RGS6: variants seen among roughly 807,000 people sequenced by gnomAD.
RGS6 encodes regulator of G-protein signaling 6.
Under a neutral mutation model 78.5 loss-of-function variants are expected in RGS6, and 30 were observed. That is an observed-to-expected ratio of 0.38 (90% CI 0.29 to 0.52). RGS6 has a LOEUF of 0.52. Ranked by LOEUF, RGS6 falls within the 20% of genes least tolerant of loss-of-function variation. RGS6 has a pLI of 0.85. For synonymous variants in RGS6, 206 were observed against 206.0 expected (o/e 1.00, Z 0.00); for missense variants, 495 against 609.7 (o/e 0.81, Z 1.98).
chr14:72,474,773 A>G, intron 10 of RGS6, 74 bp downstream of exon 10: 1 of 1,182,362 alleles, frequency 8.5e-7, no homozygotes, highest in Non-Finnish European at 1.2e-6. Flanking sequence ...TCAAATAGTA[A>G]TTTGCTACTT....
In RGS6 at chr14:72,125,134, C is replaced by T. The variant is rs929368500; in HGVS notation, c.84+160259C>T. Among the ~76,000 whole-genome samples, 9 of 152,250 alleles carry T rather than the reference C, an allele frequency of 5.9e-5. No individual in the cohort carries two copies. In the South Asian group the frequency reaches 6.2e-4, roughly 11 times the overall value. The stretch of plus-strand genomic sequence containing the variant: ...TTCTTTCCAGGGGTCCTGAGGGGGA[C>T]GTCTTTGTTGGCACCCCAAGCCTGA... On this transcript the variant is annotated intron_variant, in intron 2 of 17. Transcript: ENST00000553525.
the RGS6 span, among the ~76,000 whole-genome samples, chr14:72,608,899 CCTCT>C: frequency 9.1e-4 from 138 of 152,260 alleles, no homozygotes; most frequent in Admixed American, 2.5e-3. Flanking sequence ...TCTCTCTCTC[CCTCT>C]CTCTCTTTCT....
In RGS6 at chr14:72,373,245, G is replaced by T. The variant is rs76391475; in HGVS notation, c.184+21051G>T. On this transcript the variant is annotated intron_variant, in intron 3 of 17. Transcript: ENST00000553525. ...CTGCTCAAGATGTCATAAGGGAAAA[G>T]TAAAATTATTTCCCATTGGTACCTC... is the stretch of plus-strand genomic sequence containing the variant. Among the ~76,000 whole-genome samples the T allele has an allele frequency of 7.8e-3, 1,182 of 152,304 alleles. 10 individuals carry two copies. The highest frequency in any genetic ancestry group is 0.025 in the African/African-American group (1,046 of 41,560).
At chr14:72,356,680 C>G (rs1052095427) in intron 3 of RGS6, among the ~76,000 whole-genome samples, 1 of 152,170 alleles carries the variant, frequency 6.6e-6, no homozygotes, top group Non-Finnish European at 1.5e-5. Flanking sequence ...GGGGCAGTTA[C>G]CTCTATGCTG....
chr14:72,484,926 G>C (rs2096459975), intron 12 of RGS6, among the ~76,000 whole-genome samples: 1 of 133,808 alleles, frequency 7.5e-6, no homozygotes, highest in Non-Finnish European at 1.5e-5. Context: ...GTAGCCATCT[G>C]GTAGATTTTT....
At chr14:72,044,270 C>T (rs2092663514) in intron 2 of RGS6, among the ~76,000 whole-genome samples, 1 of 152,204 alleles carries the variant, frequency 6.6e-6, no homozygotes, top group East Asian at 1.9e-4. Flanking sequence ...GTCAACTTGA[C>T]TTTAGAAGGG....
chr14:72,013,676 C>T (rs1444859958), intron 2 of RGS6, among the ~76,000 whole-genome samples: 17 of 152,162 alleles, frequency 1.1e-4, no homozygotes, highest in Non-Finnish European at 2.5e-4. Context: ...TTGTGAAATA[C>T]ATAAATATTC....
intron 17 of RGS6, among the ~76,000 whole-genome samples, chr14:72,548,623 A>C (rs2097448231): frequency 1.3e-5 from 2 of 152,158 alleles, no homozygotes; most frequent in Admixed American, 1.3e-4. Context: ...CAGGAACTTT[A>C]ACATCTAGAG....
intron 8 of RGS6, among the ~76,000 whole-genome samples, chr14:72,470,644 G>C (rs1343125263): frequency 7.1e-6 from 1 of 141,208 alleles, no homozygotes; most frequent in Non-Finnish European, 1.6e-5. Context: ...TTGTGAGACC[G>C]AGGTGGGGGT....
chr14:72,231,203 T>C (rs2529646), intron 2 of RGS6, among the ~76,000 whole-genome samples: 49,268 of 151,840 alleles, frequency 0.32, 8,969 homozygotes, highest in South Asian at 0.46. Context: ...GACAAGAGCA[T>C]CAACCCCACC....
chr14:72,388,813 C>T (rs911579514), intron 3 of RGS6, among the ~76,000 whole-genome samples: 3 of 152,174 alleles, frequency 2.0e-5, no homozygotes, highest in Non-Finnish European at 4.4e-5. Context: ...CTTTGATTAC[C>T]TCATCTATAA....
At chr14:72,442,237 A>T (rs767846552) in intron 3 of RGS6, among the ~76,000 whole-genome samples, 1 of 152,046 alleles carries the variant, frequency 6.6e-6, no homozygotes, top group Non-Finnish European at 1.5e-5. Context: ...TTTCCATTTC[A>T]TAGGGACTTG....
chr14:72,117,644 G>A (rs11622419), intron 2 of RGS6, among the ~76,000 whole-genome samples: 10,879 of 152,248 alleles, frequency 0.071, 536 homozygotes, highest in Non-Finnish European at 0.099. Flanking sequence ...ATGGGGTAGG[G>A]AAGGACAGCC....
the RGS6 span, among the ~76,000 whole-genome samples, chr14:71,869,887 C>G: frequency 6.6e-6 from 1 of 152,198 alleles, no homozygotes; most frequent in African/African-American, 2.4e-5. Flanking sequence ...TCACCTTTTA[C>G]TCTCTTGCCC....
At chr14:72,252,010 A>T (rs1341238363) in intron 2 of RGS6, among the ~76,000 whole-genome samples, 2 of 152,172 alleles carry the variant, frequency 1.3e-5, no homozygotes, top group Non-Finnish European at 2.9e-5. Context: ...TCCCTAGATG[A>T]GCTATGCCAT....
chr14:72,377,133 A>G (rs2084948266), intron 3 of RGS6, among the ~76,000 whole-genome samples: 1 of 152,148 alleles, frequency 6.6e-6, no homozygotes, highest in African/African-American at 2.4e-5. Context: ...AAAATACAAG[A>G]TACAATATAC....
chr14:72,000,038 T>A (rs2083140643), intron 2 of RGS6, among the ~76,000 whole-genome samples: 1 of 152,208 alleles, frequency 6.6e-6, no homozygotes, highest in African/African-American at 2.4e-5. Context: ...GAGATAAGAC[T>A]GGATCAGGGA....
intron 17 of RGS6, chr14:72,540,599 C>T (rs956343210): frequency 6.0e-6 from 9 of 1,489,146 alleles, no homozygotes; most frequent in Admixed American, 1.8e-5. Flanking sequence ...GTGCAGAAAG[C>T]GGCCGTGCTG....
At chr14:72,069,812 T>C (rs1012690142) in intron 2 of RGS6, among the ~76,000 whole-genome samples, 2 of 152,176 alleles carry the variant, frequency 1.3e-5, no homozygotes, top group African/African-American at 4.8e-5. Context: ...AGTGCTGGGA[T>C]TACAGGTGTG....
Sources: allele counts gnomAD v4.1 joint callset (sites outside exome capture counted in the v4.1 genomes callset), GRCh38; gene constraint gnomAD v4.1.1; transcripts MANE v1.5; gene names NCBI Gene and HGNC (gene_info 2026-07-23, HGNC 2026-07-21).